Variants in NAV3 observed in about 807,000 individuals in gnomAD.
The protein encoded by NAV3 is pore membrane and/or filament interacting like protein 1.
Under a neutral mutation model 244.7 loss-of-function variants are expected in NAV3, and 87 were observed. The ratio of observed to expected loss-of-function variants is 0.36; its 90% CI spans 0.30 to 0.42. The LOEUF is 0.42. Ranked by LOEUF, NAV3 falls within the 20% of genes least tolerant of loss-of-function variation. NAV3 has a pLI of 1.00. For synonymous variants in NAV3, 1,126 were observed against 1,042.2 expected (o/e 1.08, Z -1.55); for missense variants, 2,663 against 2,893.3 (o/e 0.92, Z 1.83).
At chr12:78,012,055 C>T (rs961162575) in intron 8 of NAV3, among the ~76,000 whole-genome samples, 2 of 152,086 alleles carry the variant, frequency 1.3e-5, no homozygotes, top group African/African-American at 4.8e-5. Context: ...CAATTCAGAT[C>T]ACAATTTGAG....
chr12:77,672,367 A>G (rs1261787906), intron 2 of NAV3, among the ~76,000 whole-genome samples: 1 of 152,160 alleles, frequency 6.6e-6, no homozygotes, highest in Non-Finnish European at 1.5e-5. Flanking sequence ...TAGATCTACC[A>G]TTTGGTCCAA....
chr12:78,165,929 T>C (rs1175018155), intron 23 of NAV3, among the ~76,000 whole-genome samples: 1 of 150,520 alleles, frequency 6.6e-6, no homozygotes, highest in Non-Finnish European at 1.5e-5. Flanking sequence ...ATGTTTTTTA[T>C]ATGGTACCCC....
intron 1 of NAV3, among the ~76,000 whole-genome samples, chr12:77,837,028 A>T (rs1164675758): frequency 1.3e-5 from 2 of 152,178 alleles, no homozygotes; most frequent in Non-Finnish European, 2.9e-5. Context: ...TAAAATAAGC[A>T]TAAATAATAT....
intron 1 of NAV3, among the ~76,000 whole-genome samples, chr12:77,849,502 G>C (rs1394638417): frequency 6.6e-6 from 1 of 152,126 alleles, no homozygotes; most frequent in Non-Finnish European, 1.5e-5. Flanking sequence ...CTGATTTCAG[G>C]TGATGGGTTG....
At chr12:77,847,870 G>T (rs1351708083) in intron 1 of NAV3, among the ~76,000 whole-genome samples, 1 of 152,158 alleles carries the variant, frequency 6.6e-6, no homozygotes, top group East Asian at 1.9e-4. Context: ...CATCCAGCTG[G>T]TGCAGCTGCC....
intron 9 of NAV3, among the ~76,000 whole-genome samples, chr12:78,035,710 AT>A (rs995479987): frequency 2.0e-5 from 3 of 152,062 alleles, no homozygotes; most frequent in Non-Finnish European, 4.4e-5. Flanking sequence ...CTTTTGAGTT[AT>A]TTTTTTCTTT....
In NAV3 at chr12:78,006,760, A is replaced by C. The variant is rs747975674; in HGVS notation, c.1222A>C (p.Ser408Arg). 1 of 1,614,162 alleles carries C rather than the reference A, an allele frequency of 6.2e-7. No individual in the cohort carries two copies. The highest frequency in any genetic ancestry group is 1.1e-5 in the South Asian group (1 of 91,088). Residue 408 changes from serine to arginine, a missense_variant, in exon 8 of 40, where the codon AGT (serine) becomes CGT (arginine). Physicochemically the swap from Ser to Arg is moderately radical, Grantham distance 110 (BLOSUM62 -1). Transcript: ENST00000397909. ...CCCGCAGCCTCCCAGTTCAGGACCT[A>C]GTGATGGTGGGAAGGATGATGATGC... ...RPPQPPSSGP[S>R]DGGKDDDAFS...
intron 12 of NAV3, among the ~76,000 whole-genome samples, chr12:78,114,973 A>AATTT (rs1489912839): frequency 6.6e-6 from 1 of 152,168 alleles, no homozygotes; most frequent in Non-Finnish European, 1.5e-5. Flanking sequence ...CTATAAATTT[A>AATTT]ATTTTCTTTA....
intron 2 of NAV3, among the ~76,000 whole-genome samples, chr12:77,596,526 A>G (rs1021043360): frequency 6.6e-6 from 1 of 152,180 alleles, no homozygotes; most frequent in Non-Finnish European, 1.5e-5. Context: ...TTTGATAATC[A>G]CATGTTGAAA....
chr12:77,953,189 AAAG>A (rs1891057625), intron 3 of NAV3, among the ~76,000 whole-genome samples: 1 of 152,168 alleles, frequency 6.6e-6, no homozygotes. Context: ...CAAGTAAATT[AAAG>A]AAGAATAGCA....
At chr12:78,130,055 T>G (rs1956095366) in intron 18 of NAV3, among the ~76,000 whole-genome samples, 1 of 152,228 alleles carries the variant, frequency 6.6e-6, no homozygotes, top group African/African-American at 2.4e-5. Context: ...ACATTTGTAA[T>G]GAGGCACAAC....
intron 2 of NAV3, among the ~76,000 whole-genome samples, chr12:77,598,694 A>C (rs1051089301): frequency 6.6e-6 from 1 of 151,952 alleles, no homozygotes; most frequent in African/African-American, 2.4e-5. Flanking sequence ...AAAAGTACAC[A>C]TTTTGTCTGG....
intron 5 of NAV3, among the ~76,000 whole-genome samples, chr12:77,977,536 C>G (rs904697236): frequency 3.9e-5 from 6 of 152,104 alleles, no homozygotes; most frequent in African/African-American, 1.4e-4. Context: ...CTAACAATTT[C>G]CAATCTCTGT....
At chr12:77,959,825 T>C (rs1414375867) in intron 3 of NAV3, among the ~76,000 whole-genome samples, 4 of 143,798 alleles carry the variant, frequency 2.8e-5, no homozygotes, top group African/African-American at 7.7e-5. Flanking sequence ...CATTTCTCAC[T>C]CATTTGCCTG....
At chr12:77,633,955 T>C (rs1382399198) in intron 2 of NAV3, among the ~76,000 whole-genome samples, 1 of 152,220 alleles carries the variant, frequency 6.6e-6, no homozygotes, top group Non-Finnish European at 1.5e-5. Flanking sequence ...TTATTTTATA[T>C]TCTTCAAAAC....
rs376299239 is a variant in NAV3 at position 77,691,331 on chromosome 12, A to G, written c.72+119065A>G. Among the ~76,000 whole-genome samples, 126 of 65,760 alleles carry G rather than the reference A, an allele frequency of 1.9e-3. 1 individual carries two copies. Among genetic ancestry groups the G allele is most frequent in the African/African-American group, 5.9e-3 (118 of 19,942 alleles). 43.1% of individuals were successfully genotyped at this position (65,760 alleles called of 152,430 possible). On this transcript the variant is annotated intron_variant, in intron 2 of 8. Coordinates refer to the NAV3 transcript ENST00000550042. Reference sequence around the variant, plus strand: ...TATAGTCATATATAAGTATTTGTGTATGTGTGTATATATATATATATATAC... The same window carrying G: ...TATAGTCATATATAAGTATTTGTGTGTGTGTGTATATATATATATATATAC...
chr12:78,169,694 C>T (rs1208477333), intron 24 of NAV3, among the ~76,000 whole-genome samples: 2 of 151,542 alleles, frequency 1.3e-5, no homozygotes, highest in Non-Finnish European at 1.5e-5. Flanking sequence ...ATCTTTAGAC[C>T]ACTGGAGTGT....
At chr12:77,766,622 T>C (rs1869765995) in intron 2 of NAV3, among the ~76,000 whole-genome samples, 1 of 152,136 alleles carries the variant, frequency 6.6e-6, no homozygotes, top group Non-Finnish European at 1.5e-5. Flanking sequence ...ACAAGTCACT[T>C]AAATTCTCAA....
chr12:78,202,436 T>C (rs1047562933), intron 38 of NAV3, among the ~76,000 whole-genome samples: 1 of 152,046 alleles, frequency 6.6e-6, no homozygotes, highest in African/African-American at 2.4e-5. Flanking sequence ...GTTAAAATGC[T>C]TAGCATCCTT....
Sources: allele counts gnomAD v4.1 joint callset (sites outside exome capture counted in the v4.1 genomes callset), GRCh38; gene constraint gnomAD v4.1.1; transcripts MANE v1.5; gene names NCBI Gene and HGNC (gene_info 2026-07-23, HGNC 2026-07-21).